OC90: variants seen among roughly 807,000 people sequenced by gnomAD.
OC90 encodes the protein otoconin-90.
Under a neutral mutation model 47.3 loss-of-function variants are expected in OC90, and 46 were observed. The observed-to-expected ratio is 0.97, with a 90% CI of 0.77 to 1.24. The LOEUF is 1.24. OC90 is among the 50% of genes most tolerant of loss of function. The pLI is 0.00. For synonymous variants in OC90, 271 were observed against 219.5 expected (o/e 1.23, Z -2.07); for missense variants, 688 against 583.9 (o/e 1.18, Z -1.84).
chr8:132,050,082 A>C (rs1563734417), intron 2 of OC90, among the ~76,000 whole-genome samples: 1 of 152,100 alleles, frequency 6.6e-6, no homozygotes, highest in Non-Finnish European at 1.5e-5. Flanking sequence ...CTTAACTCTC[A>C]AAGCCTCATT....
At chr8:132,037,519 C>T in intron 8 of OC90, 31 bp from the exon 9 acceptor site, 2 of 1,555,568 alleles carry the variant, frequency 1.3e-6, no homozygotes. Context: ...ATAGCAGTGA[C>T]TCATGCAACA....
At chr8:132,027,067 A>T (rs1268797304) in intron 13 of OC90, among the ~76,000 whole-genome samples, 2 of 151,960 alleles carry the variant, frequency 1.3e-5, no homozygotes, top group Non-Finnish European at 2.9e-5. Flanking sequence ...GGTAAATCTC[A>T]TCTCACACCT....
At chr8:132,031,123 C>T (rs944906400) in intron 12 of OC90, among the ~76,000 whole-genome samples, 1 of 152,228 alleles carries the variant, frequency 6.6e-6, no homozygotes, top group Non-Finnish European at 1.5e-5. Context: ...AGGTTGAGTG[C>T]TCCATGGTTT....
At chr8:132,048,724 C>A (rs796289067) in intron 2 of OC90, among the ~76,000 whole-genome samples, 22 of 151,702 alleles carry the variant, frequency 1.5e-4, no homozygotes, top group African/African-American at 5.1e-4. Flanking sequence ...CCCACTCCCC[C>A]CTGTTTTACA....
intron 1 of OC90, among the ~76,000 whole-genome samples, chr8:132,056,140 G>A (rs1245592870): frequency 2.0e-5 from 3 of 152,140 alleles, no homozygotes; most frequent in African/African-American, 7.2e-5. Context: ...AAAGCGCTTG[G>A]TCAGGAGGGT....
chr8:132,056,618 C>T (rs1823282740), intron 1 of OC90, among the ~76,000 whole-genome samples: 1 of 152,158 alleles, frequency 6.6e-6, no homozygotes, highest in African/African-American at 2.4e-5. Flanking sequence ...GAGACAGTCT[C>T]CCTCACTGTT....
chr8:132,039,617 A>G (rs1823024175), intron 6 of OC90, among the ~76,000 whole-genome samples: 1 of 151,978 alleles, frequency 6.6e-6, no homozygotes, highest in Non-Finnish European at 1.5e-5. Flanking sequence ...ACGTCACATG[A>G]TTGCTCCCCT....
chr8:132,024,298 T>C lies in OC90; in HGVS notation c.*183A>G, dbSNP rs1490479776. ...ATGGTGTGCCTTCTCCAAGTGTACA[T>C]TGGCTTGTGAGGTGACCACAGCTGA... On this transcript the variant is annotated 3_prime_UTR_variant, in exon 14 of 14. Transcript: ENST00000254627. The C allele has an allele frequency of 3.8e-6, 2 of 523,866 alleles. No homozygotes were observed. The highest frequency in any genetic ancestry group is 2.8e-5 in the East Asian group (1 of 35,154). The allele number at this position is 523,866 out of a possible 1,614,324, so 32.5% of individuals were successfully genotyped here.
intron 2 of OC90, 53 bp from the exon 3 acceptor site, chr8:132,045,936 T>C (rs1252483476): frequency 1.7e-5 from 17 of 1,000,704 alleles, no homozygotes; most frequent in Non-Finnish European, 2.2e-5. Context: ...TACAATTCAC[T>C]TGCTGGACTA....
At chr8:132,058,213 C>T (rs1018739862) in intron 1 of OC90, among the ~76,000 whole-genome samples, 2 of 152,162 alleles carry the variant, frequency 1.3e-5, no homozygotes, top group Non-Finnish European at 2.9e-5. Context: ...GGTACGTGCA[C>T]ATTAGGGTAC....
chr8:132,049,929 G>A (rs1823189927), intron 2 of OC90: 3 of 481,636 alleles, frequency 6.2e-6, no homozygotes, highest in Non-Finnish European at 1.3e-5. Flanking sequence ...ATAAATGGAT[G>A]TGTCATTAGC....
intron 5 of OC90, 138 bp downstream of exon 5, chr8:132,041,387 T>A (rs1226948422): frequency 1.4e-6 from 1 of 719,286 alleles, no homozygotes; most frequent in East Asian, 2.7e-5. Context: ...GTCACCCAAC[T>A]AGTAGGTAGT....
chr8:132,043,280 G>A (rs1170600094), intron 4 of OC90, among the ~76,000 whole-genome samples: 1 of 152,210 alleles, frequency 6.6e-6, no homozygotes, highest in Non-Finnish European at 1.5e-5. Flanking sequence ...TGTTTTGTCT[G>A]TTGTCCCATA....
intron 6 of OC90, 90 bp downstream of exon 6, chr8:132,040,954 G>A: frequency 1.3e-6 from 1 of 796,122 alleles, no homozygotes; most frequent in Non-Finnish European, 2.2e-6. Context: ...TGATGTGAGA[G>A]GATCACAATG....
intron 9 of OC90, 53 bp downstream of exon 9, chr8:132,037,385 T>A: frequency 7.0e-7 from 1 of 1,435,854 alleles, no homozygotes; most frequent in Admixed American, 1.9e-5. Context: ...GTATAGTCCC[T>A]CCCCACTCTC....
At chr8:132,037,327 G>T in intron 9 of OC90, 111 bp downstream of exon 9, 1 of 882,290 alleles carries the variant, frequency 1.1e-6, no homozygotes, top group Non-Finnish European at 1.8e-6. Flanking sequence ...TCCCTTCGGT[G>T]CTGTTCTTGT....
intron 2 of OC90, 143 bp downstream of exon 2, chr8:132,054,838 A>G (rs1367856302): frequency 1.8e-6 from 1 of 541,502 alleles, no homozygotes; most frequent in Non-Finnish European, 3.2e-6. Context: ...GAATATGTTT[A>G]ACCATCTCAA....
intron 9 of OC90, chr8:132,036,525 T>C: frequency 1.3e-6 from 1 of 756,748 alleles, no homozygotes; most frequent in South Asian, 1.4e-5. Context: ...AGGCTTAGGG[T>C]AATCCGATCA....
rs372255074 is a variant in OC90, at chr8:132,034,792, G to A, written c.722C>T (p.Thr241Met). 6 of 1,611,666 alleles carry A rather than the reference G, an allele frequency of 3.7e-6. No homozygotes were observed. Among genetic ancestry groups the A allele is most frequent in the Admixed American group, 1.7e-5 (1 of 59,908 alleles). ...DQEGVGAARA[T>M]SPPGSAEIVA... is the part of the protein sequence containing the mutation. ...CCCAGTAGGCTTACCTGGAGGGGAC[G>A]TAGCCCTAGCAGCTCCCACTCCTTC... Residue 241 changes from threonine to methionine, a missense_variant, in exon 10 of 14, where the codon ACG becomes ATG. Coordinates refer to ENST00000254627, the MANE Select transcript of OC90 (RefSeq NM_001080399.3).
Sources: allele counts gnomAD v4.1 joint callset (sites outside exome capture counted in the v4.1 genomes callset), GRCh38; gene constraint gnomAD v4.1.1; transcripts MANE v1.5; gene names NCBI Gene and HGNC (gene_info 2026-07-23, HGNC 2026-07-21).